Variants in CDH20 observed in about 807,000 individuals in gnomAD.
The protein encoded by CDH20 is cadherin 20, also known as cadherin-20.
In CDH20, 29 loss-of-function variants were observed where a neutral mutation model predicts 74.2. The observed-to-expected ratio is 0.39, with a 90% CI of 0.29 to 0.53. CDH20 has a LOEUF of 0.53. Among genes scored for constraint, CDH20 ranks in the 20% least tolerant of loss-of-function variants. The pLI is 0.69. For missense variants in CDH20, 988 were observed against 1,048.3 expected (o/e 0.94, Z 0.79); for synonymous variants, 469 against 405.4 (o/e 1.16, Z -1.88).
chr18:61,361,231 G>A (rs1399757170), intron 1 of CDH20, among the ~76,000 whole-genome samples: 1 of 152,220 alleles, frequency 6.6e-6, no homozygotes, highest in Non-Finnish European at 1.5e-5. Context: ...GGGGAAGGAG[G>A]TAAACAGATG....
At chr18:61,423,867 AAGAGTATAGCATATGCAC>A (rs1912976914) in intron 1 of CDH20, among the ~76,000 whole-genome samples, 1 of 152,246 alleles carries the variant, frequency 6.6e-6, no homozygotes, top group Non-Finnish European at 1.5e-5. Flanking sequence ...AAATTAATTA[AAGAGTATAGCATATGCAC>A]AGAGACAATG....
At chr18:61,543,652 T>C (rs72995659) in intron 9 of CDH20, among the ~76,000 whole-genome samples, 1 of 152,148 alleles carries the variant, frequency 6.6e-6, no homozygotes, top group Non-Finnish European at 1.5e-5. Context: ...TTCTGACTCT[T>C]GTCTGTTCTG....
intron 1 of CDH20, among the ~76,000 whole-genome samples, chr18:61,396,040 AGTGT>A (rs71178966): frequency 1.2e-5 from 1 of 83,522 alleles, no homozygotes; most frequent in Admixed American, 1.1e-4. Flanking sequence ...GCACTCACAG[AGTGT>A]GTGTGTGTTT....
intron 11 of CDH20, among the ~76,000 whole-genome samples, chr18:61,551,578 G>C (rs1169195386): frequency 6.6e-6 from 1 of 152,238 alleles, no homozygotes; most frequent in East Asian, 1.9e-4. Context: ...AAGAGAGGAA[G>C]AGTATAAATA....
chr18:61,463,785 G>T (rs1221208446), intron 1 of CDH20, among the ~76,000 whole-genome samples: 1 of 152,164 alleles, frequency 6.6e-6, no homozygotes, highest in African/African-American at 2.4e-5. Context: ...ACTCTGTCCA[G>T]GGGTGACGAA....
intron 1 of CDH20, among the ~76,000 whole-genome samples, chr18:61,399,708 T>G (rs1478042457): frequency 6.6e-6 from 1 of 152,236 alleles, no homozygotes; most frequent in African/African-American, 2.4e-5. Flanking sequence ...GGAAAAAATT[T>G]GCTTTCAGTC....
chr18:61,537,208 G>GA (rs762582672), intron 8 of CDH20, among the ~76,000 whole-genome samples: 1 of 151,806 alleles, frequency 6.6e-6, no homozygotes. Context: ...TAAAGGCTTA[G>GA]AAAAATGGCA....
chr18:61,433,637 C>T (rs536557655), intron 1 of CDH20, among the ~76,000 whole-genome samples: 2 of 152,226 alleles, frequency 1.3e-5, no homozygotes, highest in Admixed American at 6.5e-5. Context: ...ACGGTTTGAT[C>T]TTGAGGACTA....
At chr18:61,551,661 G>A (rs190603581) in intron 11 of CDH20, among the ~76,000 whole-genome samples, 1 of 152,296 alleles carries the variant, frequency 6.6e-6, no homozygotes, top group East Asian at 1.9e-4. Context: ...TGACTGCATT[G>A]ACAAGTAAAA....
intron 8 of CDH20, among the ~76,000 whole-genome samples, chr18:61,538,066 C>T (rs1044697611): frequency 2.6e-5 from 4 of 152,306 alleles, no homozygotes; most frequent in East Asian, 1.9e-4. Context: ...CACAGCTCCC[C>T]ATGAGTGTCT....
Position 61,555,373 on chromosome 18 carries a change from C to T in CDH20, c.*678C>T, listed in dbSNP as rs1230267620. 2.5e-5 allele frequency: 25 copies of T among 985,348 alleles called. No individual in the cohort carries two copies. Among genetic ancestry groups the T allele is most frequent in the Non-Finnish European group, 2.8e-5 (23 of 829,980 alleles). 61.0% of individuals were successfully genotyped at this position (985,348 alleles called of 1,614,324 possible). On this transcript the variant is annotated 3_prime_UTR_variant, in exon 12 of 12. Coordinates refer to ENST00000262717, the MANE Select transcript of CDH20 (RefSeq NM_031891.4). ...GATGTTGGCATTACAGCTCATCCAA[C>T]GCCATCAAGTTAGAGTGCTCGTGTC...
Position 61,536,681 on chromosome 18 carries a change from T to C in CDH20, c.1408+52T>C, listed in dbSNP as rs767422740. The C allele has an allele frequency of 9.8e-6, 15 of 1,529,878 alleles. No individual in the cohort carries two copies. The Admixed American group carries it at 2.0e-4, about 20-fold the overall frequency. The allele number at this position is 1,529,878 out of a possible 1,614,324, so 94.8% of individuals were successfully genotyped here. Reference sequence around the variant, plus strand: ...ATGCAGTGACAAAATATAGGTGTTATAGAAAGTGGAAGTTTCTAGAACTTG... The same window carrying C: ...ATGCAGTGACAAAATATAGGTGTTACAGAAAGTGGAAGTTTCTAGAACTTG... On this transcript the variant is annotated intron_variant, in intron 8 of 11. Transcript: ENST00000262717.
At chr18:61,404,302 G>A (rs1912252655) in intron 1 of CDH20, among the ~76,000 whole-genome samples, 1 of 152,100 alleles carries the variant, frequency 6.6e-6, no homozygotes, top group Admixed American at 6.6e-5. Context: ...TGTAATCAGA[G>A]AAAAACATGG....
intron 1 of CDH20, among the ~76,000 whole-genome samples, chr18:61,343,976 T>G (rs1910036749): frequency 6.6e-6 from 1 of 152,088 alleles, no homozygotes; most frequent in African/African-American, 2.4e-5. Flanking sequence ...GACTGGCCTG[T>G]AGGAGTCTGA....
chr18:61,480,865 A>G (rs953489919), intron 1 of CDH20, among the ~76,000 whole-genome samples: 2 of 152,372 alleles, frequency 1.3e-5, no homozygotes, highest in Admixed American at 1.3e-4. Context: ...TCAAGAACAA[A>G]AAAAGCATTT....
intron 1 of CDH20, among the ~76,000 whole-genome samples, chr18:61,369,268 A>G (rs533134142): frequency 1.3e-5 from 2 of 152,292 alleles, no homozygotes; most frequent in South Asian, 4.1e-4. Context: ...ATTGGAATAT[A>G]AAGTCAGGTT....
chr18:61,494,574 C>A (rs551060015), intron 2 of CDH20, among the ~76,000 whole-genome samples: 22 of 152,272 alleles, frequency 1.4e-4, no homozygotes, highest in Non-Finnish European at 2.2e-4. Flanking sequence ...CACTTTCATT[C>A]TCTTTACCCA....
At chr18:61,481,851 C>G (rs932553448) in intron 1 of CDH20, among the ~76,000 whole-genome samples, 1 of 152,042 alleles carries the variant, frequency 6.6e-6, no homozygotes, top group Non-Finnish European at 1.5e-5. Context: ...ATGCCTGGCC[C>G]AACATTACTT....
intron 1 of CDH20, among the ~76,000 whole-genome samples, chr18:61,469,974 C>T (rs1448601792): frequency 1.3e-5 from 2 of 152,174 alleles, no homozygotes; most frequent in Non-Finnish European, 2.9e-5. Context: ...CCTATATGTT[C>T]AGATTTCTTA....
Sources: allele counts gnomAD v4.1 joint callset (sites outside exome capture counted in the v4.1 genomes callset), GRCh38; gene constraint gnomAD v4.1.1; transcripts MANE v1.5; gene names NCBI Gene and HGNC (gene_info 2026-07-23, HGNC 2026-07-21).